MEIS3: variants seen among roughly 807,000 people sequenced by gnomAD.
The protein encoded by MEIS3 is homeobox protein Meis3.
MEIS3 carries 38 observed loss-of-function variants against 51.4 expected under a neutral mutation model. That is an observed-to-expected ratio of 0.74 (90% CI 0.57 to 0.97). MEIS3 has a LOEUF of 0.97. Among genes scored for constraint, MEIS3 ranks in the 50% least tolerant of loss-of-function variants. MEIS3 has a pLI of 0.00. For synonymous variants in MEIS3, 198 were observed against 201.8 expected (o/e 0.98, Z 0.16); for missense variants, 456 against 502.6 (o/e 0.91, Z 0.89).
chr19:47,416,229 T>A (rs1311767462), intron 4 of MEIS3: 1 of 160,170 alleles, frequency 6.2e-6, no homozygotes, highest in African/African-American at 2.4e-5. Flanking sequence ...TGCGCTCACT[T>A]TGGCATAGGT....
chr19:47,414,637 G>A, intron 6 of MEIS3, 80 bp downstream of exon 6: 1 of 1,486,224 alleles, frequency 6.7e-7, no homozygotes. Flanking sequence ...CTGAGGCTGT[G>A]TAGTGCACAT....
chr19:47,406,104 G>A, intron 12 of MEIS3: 1 of 190,692 alleles, frequency 5.2e-6, no homozygotes, highest in Non-Finnish European at 1.1e-5. Context: ...CGAGTGGAGA[G>A]ATGAATGGAG....
At chr19:47,420,904 TCTCTCTCACACA>T (rs1406692403), upstream of MEIS3, among the ~76,000 whole-genome samples, 441 of 92,716 alleles carry the variant, frequency 4.8e-3, 5 homozygotes, top group African/African-American at 0.015. Context: ...TCTCTCTCTC[TCTCTCTCACACA>T]CACACACACA....
At position 47,415,559 on chromosome 19, in the gene MEIS3, TTCTCTC is replaced by T. The variant is rs754845929; in HGVS notation, c.397-464_397-459del. Reference sequence around the variant, plus strand: ...AAGCTGGGTATTCCTCCCTCCTTTCTTCTCTCTCTCTCTCTTTTTTTTTTTTTTTTT... The same window carrying T: ...AAGCTGGGTATTCCTCCCTCCTTTCTTCTCTCTCTTTTTTTTTTTTTTTTT... On this transcript the variant is annotated intron_variant, in intron 4 of 12. Coordinates refer to ENST00000558555, the MANE Select transcript of MEIS3 (RefSeq NM_001301059.2). Among the ~76,000 whole-genome samples the T allele has an allele frequency of 1.2e-3, 173 of 138,960 alleles. 7 individuals are homozygous for T. In the Middle Eastern group the frequency reaches 0.015, roughly 12 times the overall value. The allele number at this position is 138,960 out of a possible 152,430, so 91.2% of individuals were successfully genotyped here.
chr19:47,412,575 T>G (rs910803329), intron 6 of MEIS3, among the ~76,000 whole-genome samples: 1 of 151,954 alleles, frequency 6.6e-6, no homozygotes, highest in Non-Finnish European at 1.5e-5. Context: ...TTTGTTTGTT[T>G]TTTTGAGACA....
In MEIS3 at chr19:47,419,442, A is replaced by AGGGGGCG. The variant is rs1971624512; in HGVS notation, c.-368_-362dup. ...CCGAGACGGACACACCGGGGACCGC[A>AGGGGGCG]GGGGGCGGGGGGCGGCCCGGGGCGA... is the stretch of plus-strand genomic sequence containing the variant. On this transcript the variant is annotated 5_prime_UTR_variant, in exon 1 of 13. Coordinates refer to ENST00000558555, the MANE Select transcript of MEIS3 (RefSeq NM_001301059.2). The AGGGGGCG allele has an allele frequency of 6.3e-5, 1 of 15,842 alleles. No homozygotes were observed. The allele number at this position is 15,842 out of a possible 1,614,324, so 1.0% of individuals were successfully genotyped here.
Position 47,407,429 on chromosome 19 carries a change from C to G in MEIS3, c.859-1G>C. ...TCTGCTCCTCCGAGGGGTACGGGTG[C>G]TGCAGCCACCAGCAAGAGTCACTCT... On this transcript the variant is annotated splice_acceptor_variant, in intron 8 of 12. Transcript: ENST00000558555. LOFTEE classifies it high-confidence loss of function. 6.2e-7 allele frequency: 1 copy of G among 1,613,820 alleles called. No homozygotes were observed. Among genetic ancestry groups the G allele is most frequent in the Non-Finnish European group, 8.5e-7 (1 of 1,179,898 alleles).
chr19:47,416,889 GCC>G lies in MEIS3; in HGVS notation c.258_259del (p.Ala87ArgfsTer11). On this transcript the variant is annotated frameshift_variant, in exon 3 of 13. Coordinates refer to ENST00000558555, the MANE Select transcript of MEIS3 (RefSeq NM_001301059.2). LOFTEE classifies it high-confidence loss of function. ...AGGGGGTGTCCCCAGCCCAGCTCCG[GCC>G]CCGTCACGGGGAGAGCATGTAGCCA... The G allele has an allele frequency of 6.2e-7, 1 of 1,613,762 alleles. No individual in the cohort carries two copies. Among genetic ancestry groups the G allele is most frequent in the South Asian group, 1.1e-5 (1 of 91,002 alleles).
intron 11 of MEIS3, 28 bp from the exon 12 acceptor site, chr19:47,406,554 G>C (rs370296736): frequency 5.9e-5 from 95 of 1,613,008 alleles, no homozygotes; most frequent in Non-Finnish European, 7.0e-5. Flanking sequence ...AGGAGGGTAA[G>C]TGCGTCTTTC....
At chr19:47,409,837 T>G (rs2122502213) in intron 6 of MEIS3, among the ~76,000 whole-genome samples, 1 of 145,898 alleles carries the variant, frequency 6.9e-6, no homozygotes, top group South Asian at 2.2e-4. Context: ...CACTCCAGCC[T>G]GGGTGACAGA....
upstream of MEIS3, among the ~76,000 whole-genome samples, chr19:47,421,018 CA>C (rs1374626080): frequency 6.1e-5 from 9 of 147,404 alleles, no homozygotes; most frequent in Admixed American, 1.4e-4. Context: ...CTTCTGTTCC[CA>C]GGGGGAGGGA....
intron 8 of MEIS3, among the ~76,000 whole-genome samples, chr19:47,408,838 G>A (rs1230645403): frequency 3.9e-5 from 6 of 152,100 alleles, no homozygotes. Flanking sequence ...GGTGGATGGT[G>A]GGCAGGTGGA....
At chr19:47,416,389 G>C (rs939647789) in intron 4 of MEIS3, 8 of 453,154 alleles carry the variant, frequency 1.8e-5, no homozygotes, top group Non-Finnish European at 2.7e-5. Flanking sequence ...TTCACAGACG[G>C]GACACCAAGG....
Position 47,419,199 on chromosome 19 carries a change from G to T in MEIS3, c.-118C>A. 1.4e-6 allele frequency: 1 copy of T among 699,280 alleles called. No individual in the cohort carries two copies. Among genetic ancestry groups the T allele is most frequent in the Non-Finnish European group, 2.0e-6 (1 of 507,640 alleles). 43.3% of individuals were successfully genotyped at this position (699,280 alleles called of 1,614,324 possible). A position where few individuals can be genotyped will look rare whatever the true frequency, so the allele number is the denominator to read the frequency against. The stretch of plus-strand genomic sequence containing the variant: ...GTTGACGCCAGGGGGTGGGCAGGAG[G>T]CCAGGCGCGCGCCCCCCCACCCCCG... On this transcript the variant is annotated 5_prime_UTR_variant, in exon 1 of 13. Transcript: ENST00000558555.
chr19:47,417,042 G>A, intron 2 of MEIS3, 79 bp from the exon 3 acceptor site: 6 of 1,537,312 alleles, frequency 3.9e-6, no homozygotes, highest in Non-Finnish European at 5.3e-6. Context: ...CAGAACAGCT[G>A]GGGAGGGGAC....
intron 6 of MEIS3, chr19:47,412,251 A>G (rs1009369869): frequency 1.1e-4 from 17 of 152,320 alleles, no homozygotes; most frequent in African/African-American, 4.1e-4. Flanking sequence ...GGACTGCAGT[A>G]ACAGTTCTTT....
Position 47,403,147 on chromosome 19 carries a change from T to C in MEIS3, c.*424A>G, listed in dbSNP as rs1970661397. The C allele has an allele frequency of 8.4e-6, 2 of 238,616 alleles. No individual in the cohort carries two copies. The highest frequency in any genetic ancestry group is 1.7e-5 in the Non-Finnish European group (2 of 118,306). 14.8% of individuals were successfully genotyped at this position (238,616 alleles called of 1,614,324 possible). A position where few individuals can be genotyped will look rare whatever the true frequency, so the allele number is the denominator to read the frequency against. ...GCTCCGTGTTTTTAAGACTTTATCA[T>C]TAAAAAAAAGAAGAAATTAGAGAAG... On this transcript the variant is annotated 3_prime_UTR_variant, in exon 13 of 13. Coordinates refer to ENST00000558555, the MANE Select transcript of MEIS3 (RefSeq NM_001301059.2).
chr19:47,403,815 T>G (rs1599793529), intron 12 of MEIS3, among the ~76,000 whole-genome samples: 1 of 150,516 alleles, frequency 6.6e-6, no homozygotes, highest in East Asian at 2.0e-4. Context: ...ACAGGCAGAG[T>G]AGGACAGAGA....
intron 4 of MEIS3, 31 bp from the exon 5 acceptor site, chr19:47,415,132 C>G (rs764679117): frequency 2.5e-6 from 3 of 1,215,714 alleles, no homozygotes; most frequent in South Asian, 1.6e-5. Context: ...TGGGGGGAGA[C>G]AGAGGGAATT....
Sources: allele counts gnomAD v4.1 joint callset (sites outside exome capture counted in the v4.1 genomes callset), GRCh38; gene constraint gnomAD v4.1.1; transcripts MANE v1.5; gene names NCBI Gene and HGNC (gene_info 2026-07-23, HGNC 2026-07-21).